The following FYTTD1 variants were observed in gnomAD, a reference collection of about 807,000 sequenced individuals.
FYTTD1 encodes forty-two-three domain containing 1, also known as UAP56-interacting factor.
Under a neutral mutation model 40.9 loss-of-function variants are expected in FYTTD1, and 22 were observed. The ratio of observed to expected loss-of-function variants is 0.54; its 90% CI spans 0.38 to 0.77. The LOEUF (loss-of-function observed/expected upper bound fraction) is 0.77. FYTTD1 is among the 30% of genes least tolerant of loss of function. FYTTD1 has a pLI of 0.00. For missense variants in FYTTD1, 351 were observed against 392.2 expected (o/e 0.90, Z 0.89); for synonymous variants, 140 against 137.9 (o/e 1.01, Z -0.10).
At chr3:197,778,685 T>C (rs1416869834) in intron 8 of FYTTD1, among the ~76,000 whole-genome samples, 1 of 152,234 alleles carries the variant, frequency 6.6e-6, no homozygotes. Flanking sequence ...CTTAGCATAA[T>C]GTTTTAAAGG....
intron 2 of FYTTD1, among the ~76,000 whole-genome samples, chr3:197,763,836 A>C (rs1729462296): frequency 6.6e-6 from 1 of 152,244 alleles, no homozygotes; most frequent in African/African-American, 2.4e-5. Context: ...GTATGTGGAA[A>C]GAAATTCATG....
rs573583263 is a variant in FYTTD1, at chr3:197,782,096, G to A, written c.*187G>A. On this transcript the variant is annotated 3_prime_UTR_variant, in exon 9 of 9. Transcript: ENST00000241502. ...AAAATAATGCCCTGAAAGAATAATAGGGATTATACCTGTCTGTTCTTAAAG... is the reference window on the plus strand; with the variant it reads ...AAAATAATGCCCTGAAAGAATAATAAGGATTATACCTGTCTGTTCTTAAAG... 23 of 412,604 alleles carry A rather than the reference G, an allele frequency of 5.6e-5. No individual in the cohort carries two copies. The highest frequency in any genetic ancestry group is 8.3e-5 in the Admixed American group (2 of 23,974). The allele number at this position is 412,604 out of a possible 1,614,324, so 25.6% of individuals were successfully genotyped here.
At chr3:197,750,343 G>A in intron 1 of FYTTD1, 1 of 1,145,144 alleles carries the variant, frequency 8.7e-7, no homozygotes, top group Non-Finnish European at 1.1e-6. Flanking sequence ...CTGCGGGCCC[G>A]AAGGTTCGCA....
chr3:197,751,395 C>G (rs752865956), intron 1 of FYTTD1, among the ~76,000 whole-genome samples: 14 of 152,316 alleles, frequency 9.2e-5, no homozygotes, highest in Middle Eastern at 3.4e-3. Flanking sequence ...AATCCCAGCC[C>G]TTTGAAGGCG....
rs1340981103 is a variant in FYTTD1 at position 197,785,968 on chromosome 3, AAC to A, written c.*4063_*4064del. On this transcript the variant is annotated 3_prime_UTR_variant, in exon 9 of 9. Transcript: ENST00000241502. ...TTTTTTTTTAAATGATACTTCAGTA[AAC>A]ACAGCATTTACAACAAGAATTGTGG... 3 of 151,830 alleles carry A rather than the reference AAC, an allele frequency of 2.0e-5. No homozygotes were observed. Among genetic ancestry groups the A allele is most frequent in the Non-Finnish European group, 4.4e-5 (3 of 67,976 alleles). The allele number at this position is 151,830 out of a possible 1,614,324, so 9.4% of individuals were successfully genotyped here. A position where few individuals can be genotyped will look rare whatever the true frequency, so the allele number is the denominator to read the frequency against.
At position 197,773,386 on chromosome 3, in the gene FYTTD1, A is replaced by T; in HGVS notation, c.498-17A>T. The T allele has an allele frequency of 6.8e-7, 1 of 1,464,980 alleles. No individual in the cohort carries two copies. Among genetic ancestry groups the T allele is most frequent in the Non-Finnish European group, 9.5e-7 (1 of 1,049,230 alleles). 90.7% of individuals were successfully genotyped at this position (1,464,980 alleles called of 1,614,324 possible). On this transcript the variant is annotated splice_polypyrimidine_tract_variant and intron_variant, in intron 4 of 8. Transcript: ENST00000241502. ...GTAGTTAAATGGCTTAGCATGGCCT[A>T]TGTGTTTTTGTTGCAGAAATAACAT...
intron 4 of FYTTD1, among the ~76,000 whole-genome samples, chr3:197,770,714 ATT>A (rs995667608): frequency 3.5e-5 from 5 of 144,144 alleles, no homozygotes; most frequent in Non-Finnish European, 4.6e-5. Flanking sequence ...TGCCCTGCTA[ATT>A]TTTTTTTTTT....
chr3:197,772,659 A>G (rs900833708), intron 4 of FYTTD1, among the ~76,000 whole-genome samples: 2 of 152,220 alleles, frequency 1.3e-5, no homozygotes, highest in Admixed American at 6.5e-5. Context: ...GCTGGGCTGG[A>G]GTGCAGTGGC....
chr3:197,767,775 A>G (rs531687673), intron 2 of FYTTD1, among the ~76,000 whole-genome samples: 1 of 152,348 alleles, frequency 6.6e-6, no homozygotes, highest in African/African-American at 2.4e-5. Flanking sequence ...TTAAATAGGT[A>G]AGATATGTAA....
At chr3:197,758,924 T>G (rs1455319628) in intron 2 of FYTTD1, among the ~76,000 whole-genome samples, 2 of 152,250 alleles carry the variant, frequency 1.3e-5, no homozygotes, top group African/African-American at 4.8e-5. Context: ...GAATGAAATC[T>G]TTAACTTCGT....
At chr3:197,771,618 A>G (rs1450887584) in intron 4 of FYTTD1, among the ~76,000 whole-genome samples, 1 of 151,780 alleles carries the variant, frequency 6.6e-6, no homozygotes, top group Non-Finnish European at 1.5e-5. Context: ...TCTACTAAAA[A>G]TACAAAAAAT....
Position 197,785,164 on chromosome 3 carries a change from T to C in FYTTD1, c.*3255T>C, listed in dbSNP as rs545652017. On this transcript the variant is annotated 3_prime_UTR_variant, in exon 9 of 9. Transcript: ENST00000241502. ...AGGTAGACCTGTTAGAAAAGTCCAG[T>C]GTTCCTAATCAGATATGCATTTTTT... is the stretch of plus-strand genomic sequence containing the variant. 6.6e-6 allele frequency: 1 copy of C among 152,342 alleles called. No homozygotes were observed. The highest frequency in any genetic ancestry group is 1.9e-4 in the East Asian group (1 of 5,192). The allele number at this position is 152,342 out of a possible 1,614,324, so 9.4% of individuals were successfully genotyped here. A position where few individuals can be genotyped will look rare whatever the true frequency, so the allele number is the denominator to read the frequency against.
At chr3:197,755,607 G>A (rs139308371) in intron 1 of FYTTD1, 6,180 of 207,646 alleles carry the variant, frequency 0.03, 430 homozygotes, top group African/African-American at 0.15. Context: ...CGCCATACCC[G>A]GCTAATTTAT....
intron 7 of FYTTD1, among the ~76,000 whole-genome samples, chr3:197,777,724 T>G (rs145510137): frequency 2.8e-4 from 42 of 152,142 alleles, no homozygotes; most frequent in Non-Finnish European, 5.6e-4. Flanking sequence ...CATCTCTTGA[T>G]TTTTTTAAGA....
chr3:197,763,748 A>G (rs1475917420), intron 2 of FYTTD1: 6 of 159,584 alleles, frequency 3.8e-5, no homozygotes, highest in African/African-American at 1.4e-4. Flanking sequence ...CATATACTGT[A>G]GAATGTGACA....
intron 2 of FYTTD1, among the ~76,000 whole-genome samples, chr3:197,760,030 GGAGTTGTTCTTCCGTGGTAGAACGTATA>G (rs1729330799): frequency 6.8e-6 from 1 of 148,044 alleles, no homozygotes; most frequent in Non-Finnish European, 1.5e-5. Context: ...TAGAATGTAT[GGAGTTGTTCTTCCGTGGTAGAACGTATA>G]GAGTTGTTCT....
At chr3:197,774,021 A>G (rs945162264) in intron 5 of FYTTD1, 128 bp from the exon 6 acceptor site, 9 of 758,324 alleles carry the variant, frequency 1.2e-5, no homozygotes, top group Non-Finnish European at 2.1e-5. Flanking sequence ...AAGTTGTAGA[A>G]TAGCGCAGGC....
At chr3:197,769,210 C>G (rs772556438) in intron 3 of FYTTD1, among the ~76,000 whole-genome samples, 1 of 152,154 alleles carries the variant, frequency 6.6e-6, no homozygotes, top group Non-Finnish European at 1.5e-5. Flanking sequence ...GCCTCAGCCT[C>G]CCTAGTAGCT....
At position 197,783,898 on chromosome 3, in the gene FYTTD1, C is replaced by G. The variant is rs757850456; in HGVS notation, c.*1989C>G. On this transcript the variant is annotated 3_prime_UTR_variant, in exon 9 of 9. Coordinates refer to ENST00000241502, the MANE Select transcript of FYTTD1 (RefSeq NM_032288.7). ...TTGAGTGCATTAAATAACAAATTAT[C>G]TTTGATACATTAAACTTTTATTCTT... 6.6e-6 allele frequency: 1 copy of G among 152,392 alleles called. No homozygotes were observed. Among genetic ancestry groups the G allele is most frequent in the Non-Finnish European group, 1.5e-5 (1 of 68,008 alleles). 9.4% of individuals were successfully genotyped at this position (152,392 alleles called of 1,614,324 possible).
Sources: allele counts gnomAD v4.1 joint callset (sites outside exome capture counted in the v4.1 genomes callset), GRCh38; gene constraint gnomAD v4.1.1; transcripts MANE v1.5; gene names NCBI Gene and HGNC (gene_info 2026-07-23, HGNC 2026-07-21).